SPOCK3: variants seen among roughly 807,000 people sequenced by gnomAD.
SPOCK3 encodes SPARC (osteonectin), cwcv and kazal like domains proteoglycan 3.
Under a neutral mutation model 56.6 loss-of-function variants are expected in SPOCK3, and 30 were observed. That is an observed-to-expected ratio of 0.53 (90% CI 0.40 to 0.72). The LOEUF (loss-of-function observed/expected upper bound fraction) is 0.72. Among genes scored for constraint, SPOCK3 ranks in the 30% least tolerant of loss-of-function variants. The probability of loss-of-function intolerance (pLI) is 0.00; values close to 1 mark genes in which losing one functional copy is unlikely to be tolerated. For missense variants in SPOCK3, 527 were observed against 530.0 expected, an observed-to-expected ratio of 0.99 and a Z score of 0.06; for synonymous variants, 196 against 183.3, an observed-to-expected ratio of 1.07 and a Z score of -0.56.
chr4:167,134,812 G>A (rs972216487), intron 2 of SPOCK3, among the ~76,000 whole-genome samples: 1 of 152,054 alleles, frequency 6.6e-6, no homozygotes, highest in Non-Finnish European at 1.5e-5. Context: ...TAAAAGTCAT[G>A]TAAAAAGATA....
At chr4:166,914,931 T>C (rs567358768) in intron 4 of SPOCK3, among the ~76,000 whole-genome samples, 2 of 152,258 alleles carry the variant, frequency 1.3e-5, no homozygotes, top group East Asian at 3.9e-4. Context: ...AATAAACATG[T>C]TCATATTCTT....
At chr4:166,978,310 A>C (rs1746180740) in intron 4 of SPOCK3, among the ~76,000 whole-genome samples, 1 of 152,166 alleles carries the variant, frequency 6.6e-6, no homozygotes, top group African/African-American at 2.4e-5. Context: ...TGGCAAGCAG[A>C]GATTGAGTAC....
chr4:166,958,572 G>T (rs545339601), intron 4 of SPOCK3, among the ~76,000 whole-genome samples: 1 of 152,258 alleles, frequency 6.6e-6, no homozygotes, highest in African/African-American at 2.4e-5. Context: ...CAACTAGAGT[G>T]ATCCTTTTCT....
At chr4:167,132,408 T>C (rs1156714250) in intron 2 of SPOCK3, among the ~76,000 whole-genome samples, 3 of 152,232 alleles carry the variant, frequency 2.0e-5, no homozygotes, top group African/African-American at 7.2e-5. Context: ...GAAAGTTCTG[T>C]GTATTTTTTT....
intron 4 of SPOCK3, among the ~76,000 whole-genome samples, chr4:166,990,441 G>A (rs915316994): frequency 1.3e-5 from 2 of 151,438 alleles, no homozygotes; most frequent in African/African-American, 4.8e-5. Context: ...AAAATCTAAA[G>A]AAAATAGTAA....
intron 2 of SPOCK3, among the ~76,000 whole-genome samples, chr4:167,103,053 T>C (rs1675019046): frequency 6.6e-6 from 1 of 151,566 alleles, no homozygotes; most frequent in Non-Finnish European, 1.5e-5. Context: ...GAGGCCCCCA[T>C]TCCAGGTACT....
At chr4:166,737,408 C>G (rs560072707) in intron 10 of SPOCK3, 59 bp downstream of exon 10, 402 of 1,531,928 alleles carry the variant, frequency 2.6e-4, no homozygotes, top group Non-Finnish European at 3.4e-4. Flanking sequence ...ATGAATGAGG[C>G]TCTAAAGCAC....
chr4:167,167,086 G>A (rs1233474507), intron 2 of SPOCK3, among the ~76,000 whole-genome samples: 1 of 151,928 alleles, frequency 6.6e-6, no homozygotes, highest in Non-Finnish European at 1.5e-5. Flanking sequence ...AACTCCTTAT[G>A]TAACTTTCCT....
At chr4:167,158,054 AT>A in intron 2 of SPOCK3, among the ~76,000 whole-genome samples, 1 of 152,076 alleles carries the variant, frequency 6.6e-6, no homozygotes, top group African/African-American at 2.4e-5. Context: ...TCCTTACAGC[AT>A]TTTACTTACT....
chr4:166,851,226 C>A lies in SPOCK3; in HGVS notation c.589+37904G>T, dbSNP rs571578062. Reference sequence around the variant, plus strand: ...GGGGCAGACTGACACCTCACACGGCCGGGTACTCCAACAGACCTGCAGCTG... The same window carrying A: ...GGGGCAGACTGACACCTCACACGGCAGGGTACTCCAACAGACCTGCAGCTG... On this transcript the variant is annotated intron_variant, in intron 6 of 10. Transcript: ENST00000357545. Among the ~76,000 whole-genome samples, 323 of 152,186 alleles carry A rather than the reference C, an allele frequency of 2.1e-3. 2 individuals are homozygous for A. The highest frequency in any genetic ancestry group is 3.1e-3 in the Non-Finnish European group (214 of 68,010).
chr4:166,936,476 A>C (rs1740419821), intron 4 of SPOCK3, among the ~76,000 whole-genome samples: 1 of 152,120 alleles, frequency 6.6e-6, no homozygotes, highest in Admixed American at 6.5e-5. Context: ...TTGTACATTT[A>C]ACCAAAAGTA....
At chr4:167,064,572 A>G (rs144442540) in intron 2 of SPOCK3, among the ~76,000 whole-genome samples, 2 of 151,880 alleles carry the variant, frequency 1.3e-5, no homozygotes, top group Non-Finnish European at 2.9e-5. Context: ...GATGACTATG[A>G]TTCATTCCAA....
intron 3 of SPOCK3, among the ~76,000 whole-genome samples, chr4:167,032,984 C>G (rs1752416154): frequency 6.6e-6 from 1 of 151,972 alleles, no homozygotes; most frequent in Non-Finnish European, 1.5e-5. Flanking sequence ...TCAATTACGA[C>G]TAATGGCTTT....
intron 2 of SPOCK3, among the ~76,000 whole-genome samples, chr4:167,100,872 T>C (rs1027025372): frequency 6.6e-6 from 1 of 152,142 alleles, no homozygotes; most frequent in Non-Finnish European, 1.5e-5. Context: ...TATACAAATC[T>C]TTCTAGTTTC....
At chr4:167,154,638 G>C (rs17053018) in intron 2 of SPOCK3, among the ~76,000 whole-genome samples, 2,324 of 152,198 alleles carry the variant, frequency 0.015, 69 homozygotes, top group African/African-American at 0.052. Context: ...ATAACCTGTT[G>C]AGAAATCCCC....
chr4:166,868,525 T>C (rs552772833), intron 6 of SPOCK3, among the ~76,000 whole-genome samples: 7 of 152,186 alleles, frequency 4.6e-5, no homozygotes, highest in African/African-American at 1.7e-4. Flanking sequence ...TGAACTAATT[T>C]GGAAGTATGA....
intron 2 of SPOCK3, among the ~76,000 whole-genome samples, chr4:167,175,678 T>C (rs1199998902): frequency 2.6e-5 from 4 of 152,024 alleles, no homozygotes; most frequent in African/African-American, 9.7e-5. Flanking sequence ...AAGACAGGCA[T>C]CTATGAGCTA....
At chr4:167,118,697 A>G (rs1761624373) in intron 2 of SPOCK3, among the ~76,000 whole-genome samples, 1 of 152,164 alleles carries the variant, frequency 6.6e-6, no homozygotes, top group South Asian at 2.1e-4. Flanking sequence ...GCTTCATCAA[A>G]GTGGCATTAT....
At chr4:167,132,597 T>G (rs1762789225) in intron 2 of SPOCK3, among the ~76,000 whole-genome samples, 1 of 152,210 alleles carries the variant, frequency 6.6e-6, no homozygotes, top group Non-Finnish European at 1.5e-5. Context: ...TGTAACAAAT[T>G]ACCAAAGGCT....
Sources: gnomAD v4.1 joint callset for allele counts (sites outside exome capture counted in the v4.1 genomes callset) on GRCh38, gnomAD v4.1.1 for gene constraint, MANE v1.5 for transcripts, NCBI Gene and HGNC (gene_info 2026-07-23, HGNC 2026-07-21) for gene names.